LRRTM4: variants seen among roughly 807,000 people sequenced by gnomAD.
The protein encoded by LRRTM4 is leucine-rich repeat transmembrane neuronal protein 4.
In LRRTM4, 25 loss-of-function variants were observed where a neutral mutation model predicts 47.6. That is an observed-to-expected ratio of 0.53 (90% CI 0.38 to 0.73). LRRTM4 has a LOEUF of 0.73. LRRTM4 is among the 30% of genes least tolerant of loss of function. The probability of loss-of-function intolerance (pLI) is 0.00; values close to 1 mark genes in which losing one functional copy is unlikely to be tolerated. For synonymous variants in LRRTM4, 311 were observed against 269.5 expected (o/e 1.15, Z -1.51); for missense variants, 638 against 713.4 (o/e 0.89, Z 1.20).
intron 3 of LRRTM4, among the ~76,000 whole-genome samples, chr2:76,973,141 C>T (rs1299100745): frequency 6.9e-6 from 1 of 144,240 alleles, no homozygotes; most frequent in Non-Finnish European, 1.5e-5. Flanking sequence ...AAGTGCTATA[C>T]TTAATGGTAG....
At chr2:77,313,059 T>C (rs923900643) in intron 3 of LRRTM4, among the ~76,000 whole-genome samples, 8 of 152,160 alleles carry the variant, frequency 5.3e-5, no homozygotes, top group Non-Finnish European at 7.3e-5. Flanking sequence ...CCCATAGACA[T>C]AGATTTTGAG....
intron 3 of LRRTM4, among the ~76,000 whole-genome samples, chr2:77,482,342 C>A (rs1677737866): frequency 6.6e-6 from 1 of 151,830 alleles, no homozygotes; most frequent in African/African-American, 2.4e-5. Context: ...TTTGAGACTT[C>A]ACGAAATAAA....
intron 3 of LRRTM4, among the ~76,000 whole-genome samples, chr2:77,112,550 A>G (rs1671278968): frequency 6.6e-6 from 1 of 151,706 alleles, no homozygotes; most frequent in Admixed American, 6.6e-5. Context: ...CAAACATTTT[A>G]TTGATTTTTC....
chr2:77,252,194 T>C (rs1191961874), intron 3 of LRRTM4, among the ~76,000 whole-genome samples: 1 of 152,108 alleles, frequency 6.6e-6, no homozygotes, highest in Non-Finnish European at 1.5e-5. Context: ...ATAGGGAAGT[T>C]GCTGGAGCAT....
intron 3 of LRRTM4, among the ~76,000 whole-genome samples, chr2:77,217,450 T>TATATATATATAC (rs1375137932): frequency 7.4e-6 from 1 of 135,438 alleles, no homozygotes; most frequent in Non-Finnish European, 1.6e-5. Flanking sequence ...AATATATATA[T>TATATATATATAC]ATATATATAT....
chr2:77,170,790 T>TGTTC (rs397700096), intron 3 of LRRTM4, among the ~76,000 whole-genome samples: 7 of 149,930 alleles, frequency 4.7e-5, no homozygotes, highest in African/African-American at 1.7e-4. Context: ...TTTCTTAGTT[T>TGTTC]TTTCTATGTC....
intron 3 of LRRTM4, among the ~76,000 whole-genome samples, chr2:77,511,503 A>T (rs1003722089): frequency 6.6e-6 from 1 of 151,828 alleles, no homozygotes; most frequent in East Asian, 1.9e-4. Context: ...CCATAACCTT[A>T]TTGAGTTATA....
chr2:77,280,570 A>G (rs889303254), intron 3 of LRRTM4, among the ~76,000 whole-genome samples: 1 of 152,012 alleles, frequency 6.6e-6, no homozygotes, highest in Admixed American at 6.6e-5. Flanking sequence ...GATATATCAC[A>G]TAGCGGTTAA....
chr2:77,365,098 A>C (rs190819428), intron 3 of LRRTM4, among the ~76,000 whole-genome samples: 1 of 152,132 alleles, frequency 6.6e-6, no homozygotes, highest in Admixed American at 6.6e-5. Context: ...CTTTAAAGGA[A>C]AAAATAATAA....
chr2:76,765,685 C>A (rs747657442), intron 3 of LRRTM4, among the ~76,000 whole-genome samples: 1 of 152,212 alleles, frequency 6.6e-6, no homozygotes, highest in Non-Finnish European at 1.5e-5. Flanking sequence ...CAGAATGAAG[C>A]CTTCCTTGCT....
intron 3 of LRRTM4, among the ~76,000 whole-genome samples, chr2:76,948,039 T>C (rs1198235702): frequency 6.6e-6 from 1 of 151,838 alleles, no homozygotes; most frequent in Non-Finnish European, 1.5e-5. Flanking sequence ...CAAACTATTT[T>C]CTTTGTAACA....
Position 77,074,799 on chromosome 2 carries a change from T to A in LRRTM4, c.1552-325883A>T, listed in dbSNP as rs536150510. 2.6e-5 allele frequency among the ~76,000 whole-genome samples: 4 copies of A among 152,258 alleles called. No homozygotes were observed. In the East Asian group the frequency reaches 7.7e-4, roughly 29 times the overall value. On this transcript the variant is annotated intron_variant, in intron 3 of 3. Transcript: ENST00000409884. ...AGGTAAGAATAGATTTTCTTCTAAT[T>A]GTTGGTTGGCACTGAAAAGTTGTGT...
In LRRTM4 at chr2:77,360,224, G is replaced by A. The variant is rs1035369059; in HGVS notation, c.1551+158094C>T. On this transcript the variant is annotated intron_variant, in intron 3 of 3. Coordinates refer to ENST00000409884, the MANE Select transcript of LRRTM4 (RefSeq NM_001134745.3). ...TGTAATCCCAGTACTACGGCAAGCC[G>A]AGGTGGGCGAATCACGAGGTCAGGA... is the stretch of plus-strand genomic sequence containing the variant. 9.2e-5 allele frequency among the ~76,000 whole-genome samples: 14 copies of A among 152,200 alleles called. No individual in the cohort carries two copies. In the East Asian group the frequency reaches 1.4e-3, roughly 15 times the overall value.
At chr2:77,300,297 A>G (rs1027153092) in intron 3 of LRRTM4, among the ~76,000 whole-genome samples, 4 of 152,226 alleles carry the variant, frequency 2.6e-5, no homozygotes, top group Non-Finnish European at 5.9e-5. Context: ...TATCATAGCT[A>G]TAACATTTGT....
intron 3 of LRRTM4, among the ~76,000 whole-genome samples, chr2:76,995,019 T>C (rs1172980378): frequency 6.6e-6 from 1 of 152,012 alleles, no homozygotes; most frequent in African/African-American, 2.4e-5. Flanking sequence ...CAGAGTTGAA[T>C]CTGATAACTG....
chr2:77,186,767 T>G (rs1034501146), intron 3 of LRRTM4, among the ~76,000 whole-genome samples: 1 of 152,116 alleles, frequency 6.6e-6, no homozygotes, highest in Admixed American at 6.6e-5. Context: ...AGATTTATAC[T>G]GAGCAAATAA....
At chr2:77,274,025 A>C in intron 3 of LRRTM4, among the ~76,000 whole-genome samples, 1 of 152,000 alleles carries the variant, frequency 6.6e-6, no homozygotes, top group East Asian at 1.9e-4. Flanking sequence ...GAGATTCATT[A>C]GTTTGATTAC....
intron 3 of LRRTM4, among the ~76,000 whole-genome samples, chr2:76,978,182 C>G (rs1324879979): frequency 1.3e-5 from 2 of 151,964 alleles, no homozygotes; most frequent in African/African-American, 2.4e-5. Flanking sequence ...GGCCTACAAA[C>G]AGATTGCCTC....
chr2:77,398,390 A>G (rs1228434770), intron 3 of LRRTM4, among the ~76,000 whole-genome samples: 2 of 151,950 alleles, frequency 1.3e-5, no homozygotes, highest in African/African-American at 4.8e-5. Flanking sequence ...TGCATATTGC[A>G]TATTACATCT....
Sources: allele counts gnomAD v4.1 joint callset (sites outside exome capture counted in the v4.1 genomes callset), GRCh38; gene constraint gnomAD v4.1.1; transcripts MANE v1.5; gene names NCBI Gene and HGNC (gene_info 2026-07-23, HGNC 2026-07-21).